ZDHHC3: variants seen among roughly 807,000 people sequenced by gnomAD.
ZDHHC3 encodes zDHHC palmitoyltransferase 3.
A neutral mutation model predicts 30.6 loss-of-function variants in ZDHHC3; 9 were observed. The ratio of observed to expected loss-of-function variants is 0.29; its 90% CI spans 0.18 to 0.51. The LOEUF (loss-of-function observed/expected upper bound fraction) is 0.51, where lower values mean the gene tolerates loss of function less well. Ranked by LOEUF, ZDHHC3 falls within the 20% of genes least tolerant of loss-of-function variation. The pLI is 0.97. For synonymous variants in ZDHHC3, 136 were observed against 140.2 expected, an observed-to-expected ratio of 0.97 and a Z score of 0.21; for missense variants, 246 against 384.2, an observed-to-expected ratio of 0.64 and a Z score of 3.01.
intron 6 of ZDHHC3, among the ~76,000 whole-genome samples, chr3:44,928,249 A>G (rs1701176273): frequency 6.6e-6 from 1 of 152,228 alleles, no homozygotes; most frequent in African/African-American, 2.4e-5. Context: ...AAAGCCCCGC[A>G]ACCTTCTAAA....
chr3:44,972,863 G>C (rs566162898), intron 1 of ZDHHC3, among the ~76,000 whole-genome samples: 1 of 152,284 alleles, frequency 6.6e-6, no homozygotes, highest in Non-Finnish European at 1.5e-5. Flanking sequence ...CAAACACACT[G>C]TCTGGAGTTT....
intron 3 of ZDHHC3, 32 bp from the exon 4 acceptor site, chr3:44,934,016 C>T: frequency 1.2e-6 from 2 of 1,609,214 alleles, no homozygotes; most frequent in Non-Finnish European, 8.5e-7. Context: ...ACCTTTAGGG[C>T]ATCCCCATGG....
intron 1 of ZDHHC3, chr3:44,969,792 C>T (rs1251126878): frequency 2.0e-5 from 3 of 152,168 alleles, no homozygotes; most frequent in South Asian, 2.1e-4. Context: ...GCAGGAAGGC[C>T]GTGAAGCCTC....
At position 44,915,891 on chromosome 3, in the gene ZDHHC3, G is replaced by C. The variant is rs760751423; in HGVS notation, c.*10798C>G. 2 of 152,188 alleles carry C rather than the reference G, an allele frequency of 1.3e-5. No individual in the cohort carries two copies. Among genetic ancestry groups the C allele is most frequent in the African/African-American group, 2.4e-5 (1 of 41,392 alleles). 9.4% of individuals were successfully genotyped at this position (152,188 alleles called of 1,614,324 possible). On this transcript the variant is annotated 3_prime_UTR_variant, in exon 7 of 7. Coordinates refer to ENST00000424952, the MANE Select transcript of ZDHHC3 (RefSeq NM_001135179.2). ...GGGCAGGCATTGCTTCCTCCCTAGT[G>C]TGAACTCTCTGGTATTCCATCCACC... is the stretch of plus-strand genomic sequence containing the variant.
chr3:44,959,511 G>A lies in ZDHHC3; in HGVS notation c.-24-51C>T. The stretch of plus-strand genomic sequence containing the variant: ...AAACTTGGTGTTGTCTTGTCATCAA[G>A]GAGGTTTGACAAAATTGCTCCCATA... On this transcript the variant is annotated intron_variant, in intron 1 of 6. Transcript: ENST00000424952. This position sits in a 1 kb window ranked among gnomAD's most constrained non-coding sequence, Gnocchi z 4.3. 6.5e-7 allele frequency: 1 copy of A among 1,533,880 alleles called. No individual in the cohort carries two copies. The highest frequency in any genetic ancestry group is 8.8e-7 in the Non-Finnish European group (1 of 1,134,154).
At position 44,917,860 on chromosome 3, in the gene ZDHHC3, C is replaced by G; in HGVS notation, c.*8829G>C. On this transcript the variant is annotated 3_prime_UTR_variant, in exon 7 of 7. Transcript: ENST00000424952. Reference sequence around the variant, plus strand: ...AACCCCAGGATGAAGGTTGACAGCACTTTTTAGTGTTTGCTTCTCTCCCCA... The same window carrying G: ...AACCCCAGGATGAAGGTTGACAGCAGTTTTTAGTGTTTGCTTCTCTCCCCA... 1 of 1,291,940 alleles carries G rather than the reference C, an allele frequency of 7.7e-7. No homozygotes were observed. Among genetic ancestry groups the G allele is most frequent in the Non-Finnish European group, 1.0e-6 (1 of 986,544 alleles). 80.0% of individuals were successfully genotyped at this position (1,291,940 alleles called of 1,614,324 possible).
At chr3:44,948,851 T>C (rs1165122898) in intron 2 of ZDHHC3, among the ~76,000 whole-genome samples, 1 of 152,230 alleles carries the variant, frequency 6.6e-6, no homozygotes, top group Non-Finnish European at 1.5e-5. Flanking sequence ...TGAGGACCTA[T>C]TCACTCCTGA....
chr3:44,917,880 T>C lies in ZDHHC3; in HGVS notation c.*8809A>G, dbSNP rs1334980474. 1 of 1,297,876 alleles carries C rather than the reference T, an allele frequency of 7.7e-7. No individual in the cohort carries two copies. Among genetic ancestry groups the C allele is most frequent in the East Asian group, 5.6e-5 (1 of 18,006 alleles). 80.4% of individuals were successfully genotyped at this position (1,297,876 alleles called of 1,614,324 possible). A position where few individuals can be genotyped will look rare whatever the true frequency, so the allele number is the denominator to read the frequency against. On this transcript the variant is annotated 3_prime_UTR_variant, in exon 7 of 7. Transcript: ENST00000424952. ...CAGCACTTTTTAGTGTTTGCTTCTC[T>C]CCCCACAGCAGCATCTATTCATCTG...
chr3:44,919,077 T>C lies in ZDHHC3; in HGVS notation c.*7612A>G. 4.1e-6 allele frequency: 4 copies of C among 985,414 alleles called. No homozygotes were observed. The highest frequency in any genetic ancestry group is 4.8e-6 in the Non-Finnish European group (4 of 829,890). The allele number at this position is 985,414 out of a possible 1,614,324, so 61.0% of individuals were successfully genotyped here. Reference sequence around the variant, plus strand: ...TTTTCTTCCCACGCCATTTCAGAGATTTAAGATTCTTGACTTTTGAATAAA... The same window carrying C: ...TTTTCTTCCCACGCCATTTCAGAGACTTAAGATTCTTGACTTTTGAATAAA... On this transcript the variant is annotated 3_prime_UTR_variant, in exon 7 of 7. Transcript: ENST00000424952.
At position 44,924,051 on chromosome 3, in the gene ZDHHC3, T is replaced by C. The variant is rs933446222; in HGVS notation, c.*2638A>G. The C allele has an allele frequency of 2.6e-4, 258 of 985,434 alleles. 1 individual carries two copies. The highest frequency in any genetic ancestry group is 5.2e-4 in the Middle Eastern group (1 of 1,914). The allele number at this position is 985,434 out of a possible 1,614,324, so 61.0% of individuals were successfully genotyped here. On this transcript the variant is annotated 3_prime_UTR_variant, in exon 7 of 7. Transcript: ENST00000424952. ...GGATCACAATCCAACAAGCCACATC[T>C]TTATTTTTCACTTCCACTCCCCAGA...
At chr3:44,939,394 G>A (rs1702249047) in intron 3 of ZDHHC3, among the ~76,000 whole-genome samples, 1 of 152,236 alleles carries the variant, frequency 6.6e-6, no homozygotes, top group Non-Finnish European at 1.5e-5. Context: ...TGCAGAGTGA[G>A]TACTCCCTGC....
chr3:44,976,019 C>A lies in ZDHHC3; in HGVS notation c.-111G>T, dbSNP rs900309099. 3 of 388,798 alleles carry A rather than the reference C, an allele frequency of 7.7e-6. No homozygotes were observed. The highest frequency in any genetic ancestry group is 1.4e-5 in the Non-Finnish European group (3 of 219,646). 24.1% of individuals were successfully genotyped at this position (388,798 alleles called of 1,614,324 possible). A position where few individuals can be genotyped will look rare whatever the true frequency, so the allele number is the denominator to read the frequency against. On this transcript the variant is annotated 5_prime_UTR_variant, in exon 1 of 7. Coordinates refer to ENST00000424952, the MANE Select transcript of ZDHHC3 (RefSeq NM_001135179.2). Reference sequence around the variant, plus strand: ...CTGCCTTCCCCTGCAGTCCCCAACCCGGGACCCGGCCTCGGGCTTCGGCGA... The same window carrying A: ...CTGCCTTCCCCTGCAGTCCCCAACCAGGGACCCGGCCTCGGGCTTCGGCGA...
chr3:44,974,673 T>G (rs1286727416), intron 1 of ZDHHC3, among the ~76,000 whole-genome samples: 7 of 152,214 alleles, frequency 4.6e-5, no homozygotes, highest in Non-Finnish European at 1.0e-4. Context: ...AGTCCAACCC[T>G]GCAAGCTGTC....
rs928735892 is a variant in ZDHHC3 at position 44,921,270 on chromosome 3, C to T, written c.*5419G>A. 1 of 985,286 alleles carries T rather than the reference C, an allele frequency of 1.0e-6. No individual in the cohort carries two copies. Among genetic ancestry groups the T allele is most frequent in the Non-Finnish European group, 1.2e-6 (1 of 829,938 alleles). 61.0% of individuals were successfully genotyped at this position (985,286 alleles called of 1,614,324 possible). On this transcript the variant is annotated 3_prime_UTR_variant, in exon 7 of 7. Transcript: ENST00000424952. ...GCAGAACAGACTCAGCTGAGCCCCACAGAACGAGAACAGGCTGTTCCCTGC... is the reference window on the plus strand; with the variant it reads ...GCAGAACAGACTCAGCTGAGCCCCATAGAACGAGAACAGGCTGTTCCCTGC...
chr3:44,965,741 A>G (rs1704891688), intron 1 of ZDHHC3, among the ~76,000 whole-genome samples: 1 of 152,230 alleles, frequency 6.6e-6, no homozygotes, highest in African/African-American at 2.4e-5. Context: ...CACTGTTCTC[A>G]GTCCAGCAAG....
intron 4 of ZDHHC3, 124 bp downstream of exon 4, chr3:44,933,764 G>A: frequency 1.2e-6 from 1 of 865,680 alleles, no homozygotes; most frequent in South Asian, 1.5e-5. Context: ...TGGCAGGAAG[G>A]CAGAGATCTA....
intron 1 of ZDHHC3, among the ~76,000 whole-genome samples, chr3:44,962,899 T>G (rs1004533307): frequency 6.6e-6 from 1 of 152,226 alleles, no homozygotes; most frequent in African/African-American, 2.4e-5. Context: ...TTAGATTTAT[T>G]TGCAAAAGGG....
At chr3:44,930,639 A>G (rs9830560) in intron 5 of ZDHHC3, among the ~76,000 whole-genome samples, 4,875 of 152,342 alleles carry the variant, frequency 0.032, 228 homozygotes, top group African/African-American at 0.11. Context: ...AGGGAGGTCA[A>G]ATGTGGGAAT....
Position 44,926,587 on chromosome 3 carries a change from G to C in ZDHHC3, c.*102C>G, listed in dbSNP as rs929484320. 6.2e-6 allele frequency: 8 copies of C among 1,296,926 alleles called. No individual in the cohort carries two copies. The Admixed American group carries it at 1.5e-4, about 24-fold the overall frequency. 80.3% of individuals were successfully genotyped at this position (1,296,926 alleles called of 1,614,324 possible). A position where few individuals can be genotyped will look rare whatever the true frequency, so the allele number is the denominator to read the frequency against. ...TTGAGACATAAAAAAAGTTTTAAGA[G>C]TAGTTGTTTTGCTTTTTCGATTTAA... On this transcript the variant is annotated 3_prime_UTR_variant, in exon 7 of 7. Transcript: ENST00000424952.
Sources: gnomAD v4.1 joint callset for allele counts (sites outside exome capture counted in the v4.1 genomes callset) on GRCh38, gnomAD v4.1.1 for gene constraint, Gnocchi (gnomAD v3.1) non-coding constraint, MANE v1.5 for transcripts, NCBI Gene and HGNC (gene_info 2026-07-23, HGNC 2026-07-21) for gene names.